Variants in CAMK1D observed in about 807,000 individuals in gnomAD.
CAMK1D encodes the protein calcium/calmodulin-dependent protein kinase type 1D.
CAMK1D carries 9 observed loss-of-function variants against 47.7 expected under a neutral mutation model. The observed-to-expected ratio is 0.19, with a 90% confidence interval of 0.11 to 0.33. CAMK1D has a LOEUF of 0.33. Among genes scored for constraint, CAMK1D ranks in the 10% least tolerant of loss-of-function variants. The pLI is 1.00. For missense variants in CAMK1D, 291 were observed against 488.7 expected (o/e 0.60, Z 3.81); for synonymous variants, 184 against 184.9 (o/e 0.99, Z 0.04).
intron 1 of CAMK1D, among the ~76,000 whole-genome samples, chr10:12,525,389 A>G (rs1393611489): frequency 2.0e-5 from 3 of 152,018 alleles, no homozygotes; most frequent in Non-Finnish European, 4.4e-5. Context: ...ATCTTTTGAT[A>G]TTGTCCCAGG....
chr10:12,479,009 C>T (rs1167590090), intron 1 of CAMK1D, among the ~76,000 whole-genome samples: 1 of 152,076 alleles, frequency 6.6e-6, no homozygotes, highest in East Asian at 1.9e-4. Context: ...CCAATTAACT[C>T]TTTTTTTATG....
At chr10:12,517,922 T>C (rs1384724590) in intron 1 of CAMK1D, among the ~76,000 whole-genome samples, 3 of 152,230 alleles carry the variant, frequency 2.0e-5, no homozygotes, top group African/African-American at 7.2e-5. Context: ...GCAAAGTATT[T>C]CCTTCTCTTC....
chr10:12,671,100 A>G (rs1225952320), intron 3 of CAMK1D, among the ~76,000 whole-genome samples: 2 of 152,220 alleles, frequency 1.3e-5, no homozygotes, highest in Non-Finnish European at 2.9e-5. Context: ...ATTGATTACA[A>G]GATTAATCCA....
intron 3 of CAMK1D, among the ~76,000 whole-genome samples, chr10:12,705,386 G>A (rs190032637): frequency 1.8e-4 from 28 of 152,070 alleles, no homozygotes; most frequent in Admixed American, 2.6e-4. Flanking sequence ...ACTTGAACCC[G>A]GGGGTCAGAG....
At chr10:12,480,484 A>G (rs1315038311) in intron 1 of CAMK1D, among the ~76,000 whole-genome samples, 3 of 152,002 alleles carry the variant, frequency 2.0e-5, no homozygotes, top group Admixed American at 2.0e-4. Context: ...AATAAACAAA[A>G]TCCTATAGAG....
intron 1 of CAMK1D, among the ~76,000 whole-genome samples, chr10:12,389,795 G>A (rs1035473719): frequency 5.9e-5 from 9 of 152,026 alleles, no homozygotes; most frequent in African/African-American, 2.2e-4. Flanking sequence ...AGGATTGAGA[G>A]CAAAATGGTC....
intron 1 of CAMK1D, among the ~76,000 whole-genome samples, chr10:12,427,698 C>CTTTTTTTTTTTTTTTT (rs1588474191): frequency 6.6e-4 from 18 of 27,372 alleles, no homozygotes; most frequent in East Asian, 3.1e-3. Flanking sequence ...ACTGAACTTA[C>CTTTTTTTTTTTTTTTT]TGTTTTTTTT....
chr10:12,411,561 A>G (rs1255555530), intron 1 of CAMK1D, among the ~76,000 whole-genome samples: 3 of 151,916 alleles, frequency 2.0e-5, no homozygotes, highest in African/African-American at 7.3e-5. Flanking sequence ...AATGTACTGT[A>G]AATGATTATT....
At chr10:12,655,111 G>A (rs1384680296) in intron 2 of CAMK1D, among the ~76,000 whole-genome samples, 1 of 152,188 alleles carries the variant, frequency 6.6e-6, no homozygotes, top group African/African-American at 2.4e-5. Flanking sequence ...AGGAAAAGAG[G>A]TTTAATTGGC....
intron 1 of CAMK1D, among the ~76,000 whole-genome samples, chr10:12,427,013 C>A (rs1473383605): frequency 3.3e-5 from 5 of 152,052 alleles, no homozygotes; most frequent in East Asian, 1.9e-4. Flanking sequence ...CTGTGCCCAG[C>A]CTTAATTTTC....
At chr10:12,391,048 A>C (rs943549514) in intron 1 of CAMK1D, among the ~76,000 whole-genome samples, 1 of 152,166 alleles carries the variant, frequency 6.6e-6, no homozygotes, top group Non-Finnish European at 1.5e-5. Context: ...TCCAGAGCTC[A>C]GTGTTGGGCC....
intron 1 of CAMK1D, among the ~76,000 whole-genome samples, chr10:12,469,077 C>A (rs1461632436): frequency 6.6e-6 from 1 of 151,928 alleles, no homozygotes. Flanking sequence ...GGGATGGAGA[C>A]CTGTAGCTCC....
chr10:12,545,523 C>G (rs941279730), intron 1 of CAMK1D, among the ~76,000 whole-genome samples: 1 of 149,016 alleles, frequency 6.7e-6, no homozygotes, highest in Non-Finnish European at 1.5e-5. Context: ...TGGAATTAGC[C>G]GGGCGCAGTG....
intron 2 of CAMK1D, among the ~76,000 whole-genome samples, chr10:12,571,091 C>T (rs891765172): frequency 6.6e-6 from 1 of 152,112 alleles, no homozygotes; most frequent in African/African-American, 2.4e-5. Context: ...TCTTTTGGGC[C>T]CCTTGCTACT....
At chr10:12,625,166 G>A (rs148957782) in intron 2 of CAMK1D, among the ~76,000 whole-genome samples, 34 of 151,556 alleles carry the variant, frequency 2.2e-4, no homozygotes, top group African/African-American at 6.0e-4. Flanking sequence ...ATAAAACCCC[G>A]TCTCTATTAA....
At position 12,668,580 on chromosome 10, in the gene CAMK1D, G is replaced by C. The variant is rs1423533982; in HGVS notation, c.299+1770G>C. Among the ~76,000 whole-genome samples the C allele has an allele frequency of 2.0e-5, 3 of 152,176 alleles. No individual in the cohort carries two copies. In the East Asian group the frequency reaches 5.8e-4, roughly 29 times the overall value. Reference sequence around the variant, plus strand: ...TTAGAGGATTATAGTGATAGTGAAGGAGAAAAGTGTAGGAAGTAATCTCAC... The same window carrying C: ...TTAGAGGATTATAGTGATAGTGAAGCAGAAAAGTGTAGGAAGTAATCTCAC... On this transcript the variant is annotated intron_variant, in intron 3 of 10. Coordinates refer to ENST00000619168, the MANE Select transcript of CAMK1D (RefSeq NM_153498.4).
At chr10:12,396,164 G>A (rs1838945475) in intron 1 of CAMK1D, among the ~76,000 whole-genome samples, 1 of 152,082 alleles carries the variant, frequency 6.6e-6, no homozygotes, top group Admixed American at 6.5e-5. Flanking sequence ...GTGAGCCACT[G>A]TGCCTGGTCA....
chr10:12,352,886 G>A (rs1245175685), intron 1 of CAMK1D, among the ~76,000 whole-genome samples: 1 of 151,856 alleles, frequency 6.6e-6, no homozygotes, highest in South Asian at 2.1e-4. Context: ...ACAGACGCCC[G>A]CCGCCATGCC....
At chr10:12,431,791 C>T (rs1832485451) in intron 1 of CAMK1D, among the ~76,000 whole-genome samples, 1 of 152,202 alleles carries the variant, frequency 6.6e-6, no homozygotes, top group Non-Finnish European at 1.5e-5. Context: ...AGCTATTATC[C>T]AGCTTTTCTA....
Sources: allele counts gnomAD v4.1 joint callset (sites outside exome capture counted in the v4.1 genomes callset), GRCh38; gene constraint gnomAD v4.1.1; transcripts MANE v1.5; gene names NCBI Gene and HGNC (gene_info 2026-07-23, HGNC 2026-07-21).